Variants in BBX observed in about 807,000 individuals in gnomAD.
The protein encoded by BBX is HMG box transcription factor BBX.
Under a neutral mutation model 100.2 loss-of-function variants are expected in BBX, and 30 were observed. The ratio of observed to expected loss-of-function variants is 0.30; its 90% CI spans 0.22 to 0.41. The LOEUF is 0.41. BBX is among the 10% of genes least tolerant of loss of function. The pLI, the probability that BBX is intolerant of heterozygous loss-of-function variation, is 1.00. For synonymous variants in BBX, 376 were observed against 388.1 expected (o/e 0.97, Z 0.37); for missense variants, 1,023 against 1,129.8 (o/e 0.91, Z 1.35).
intron 13 of BBX, among the ~76,000 whole-genome samples, chr3:107,787,967 G>T (rs1430616571): frequency 6.6e-6 from 1 of 152,156 alleles, no homozygotes; most frequent in East Asian, 1.9e-4. Flanking sequence ...GGAGTGGCAG[G>T]ATATGAGGTT....
At chr3:107,660,131 C>G (rs559685089) in intron 3 of BBX, among the ~76,000 whole-genome samples, 1 of 152,086 alleles carries the variant, frequency 6.6e-6, no homozygotes, top group South Asian at 2.1e-4. Context: ...AATTGTTCAT[C>G]TGTGTGTGAT....
chr3:107,650,377 C>G (rs969503177), intron 3 of BBX, among the ~76,000 whole-genome samples: 1 of 152,004 alleles, frequency 6.6e-6, no homozygotes, highest in Non-Finnish European at 1.5e-5. Flanking sequence ...CAGTTTCATG[C>G]CCAAACCATC....
chr3:107,528,154 G>T (rs1386400693), intron 2 of BBX, among the ~76,000 whole-genome samples: 1 of 152,142 alleles, frequency 6.6e-6, no homozygotes, highest in East Asian at 1.9e-4. Context: ...TCTAAAAAAA[G>T]TCATTTTGAC....
intron 5 of BBX, among the ~76,000 whole-genome samples, chr3:107,720,528 T>C (rs1321051802): frequency 6.6e-6 from 1 of 152,004 alleles, no homozygotes; most frequent in African/African-American, 2.4e-5. Context: ...ACCTGGAGCC[T>C]AGGTTATACA....
intron 2 of BBX, among the ~76,000 whole-genome samples, chr3:107,637,990 G>A (rs2056951797): frequency 6.6e-6 from 1 of 151,750 alleles, no homozygotes; most frequent in African/African-American, 2.4e-5. Context: ...CATGGCTCCC[G>A]GCAGCCTTGA....
chr3:107,625,216 TG>T (rs2056079806), intron 2 of BBX, among the ~76,000 whole-genome samples: 1 of 152,246 alleles, frequency 6.6e-6, no homozygotes, highest in African/African-American at 2.4e-5. Flanking sequence ...TGATTCATTT[TG>T]ATTGTTTTAT....
At chr3:107,611,183 A>G (rs1216398597) in intron 2 of BBX, among the ~76,000 whole-genome samples, 1 of 152,086 alleles carries the variant, frequency 6.6e-6, no homozygotes, top group African/African-American at 2.4e-5. Flanking sequence ...TTGTATTTAT[A>G]TCTTATTGTA....
chr3:107,778,661 T>A (rs1474028371), intron 13 of BBX, 142 bp downstream of exon 13: 1 of 934,490 alleles, frequency 1.1e-6, no homozygotes, highest in Non-Finnish European at 1.6e-6. Flanking sequence ...CTTTCCAAGA[T>A]TATCTTTGTC....
At chr3:107,529,434 T>C (rs561516361) in intron 2 of BBX, among the ~76,000 whole-genome samples, 3 of 152,352 alleles carry the variant, frequency 2.0e-5, no homozygotes, top group Admixed American at 6.5e-5. Flanking sequence ...CATTGTAATC[T>C]TACTGCTTTG....
chr3:107,578,476 T>A (rs2107540556), intron 2 of BBX, among the ~76,000 whole-genome samples: 1 of 152,366 alleles, frequency 6.6e-6, no homozygotes, highest in African/African-American at 2.4e-5. Flanking sequence ...AACCTATTTC[T>A]CATTAGGTTT....
intron 2 of BBX, among the ~76,000 whole-genome samples, chr3:107,543,641 AAC>A (rs1313035177): frequency 3.3e-5 from 5 of 152,248 alleles, no homozygotes; most frequent in African/African-American, 1.2e-4. Context: ...GCAAAACAAT[AAC>A]ACATTGTTAA....
rs1374239737 is a variant in BBX at position 107,532,977 on chromosome 3, A to C, written c.-84+6579A>C. Among the ~76,000 whole-genome samples, 10 of 151,678 alleles carry C rather than the reference A, an allele frequency of 6.6e-5. 1 individual carries two copies. Among genetic ancestry groups the C allele is most frequent in the Non-Finnish European group, 1.3e-4 (9 of 68,002 alleles). On this transcript the variant is annotated intron_variant, in intron 2 of 17. Coordinates refer to ENST00000325805, the MANE Select transcript of BBX (RefSeq NM_001142568.3). ...ATCTAAAAAGCTCTGAAAAACTAAA[A>C]GTTTTTTTTTTCCTTCAGAAGTGTG... is the stretch of plus-strand genomic sequence containing the variant.
chr3:107,716,444 C>A (rs942089095), intron 4 of BBX, 163 bp from the exon 5 acceptor site: 4 of 820,992 alleles, frequency 4.9e-6, no homozygotes, highest in Admixed American at 5.8e-5. Context: ...TAGTTACCAA[C>A]CATGAACAGT....
chr3:107,697,431 C>A (rs573089849), intron 3 of BBX, among the ~76,000 whole-genome samples: 1 of 151,846 alleles, frequency 6.6e-6, no homozygotes, highest in Non-Finnish European at 1.5e-5. Flanking sequence ...GGACCCTCAG[C>A]TGCAGGTCTG....
At chr3:107,589,140 G>A (rs964380568) in intron 2 of BBX, among the ~76,000 whole-genome samples, 5 of 152,076 alleles carry the variant, frequency 3.3e-5, no homozygotes, top group Admixed American at 6.5e-5. Flanking sequence ...ATATTTTAAC[G>A]TGAACTTGAC....
chr3:107,683,466 G>T lies in BBX; in HGVS notation c.-9-26986G>T, dbSNP rs144118237. On this transcript the variant is annotated intron_variant, in intron 3 of 17. Coordinates refer to ENST00000325805, the MANE Select transcript of BBX (RefSeq NM_001142568.3). Reference sequence around the variant, plus strand: ...TTTGCTAGAGAAGGAAAACTTCAGGGTATTATAAGGATTTATTTGTGATCA... The same window carrying T: ...TTTGCTAGAGAAGGAAAACTTCAGGTTATTATAAGGATTTATTTGTGATCA... 7.2e-3 allele frequency among the ~76,000 whole-genome samples: 1,094 copies of T among 152,192 alleles called. 7 individuals are homozygous for T. Among genetic ancestry groups the T allele is most frequent in the South Asian group, 0.014 (69 of 4,822 alleles).
chr3:107,707,500 A>T (rs371098759), intron 3 of BBX, among the ~76,000 whole-genome samples: 2 of 152,226 alleles, frequency 1.3e-5, no homozygotes, highest in East Asian at 3.8e-4. Context: ...TTCTGAGTAT[A>T]GTCTTGGACC....
intron 13 of BBX, among the ~76,000 whole-genome samples, chr3:107,782,001 A>G (rs1378153028): frequency 6.6e-6 from 1 of 152,140 alleles, no homozygotes; most frequent in African/African-American, 2.4e-5. Flanking sequence ...GTGATGATAG[A>G]TCTCCTATTA....
chr3:107,560,260 C>T lies in BBX; in HGVS notation c.-84+33862C>T, dbSNP rs564710533. On this transcript the variant is annotated intron_variant, in intron 2 of 17. Transcript: ENST00000325805. The stretch of plus-strand genomic sequence containing the variant: ...ATGGGTGAAAGCAAACATGTGTCTT[C>T]TCAGTTCCTCCTAGGTGGTATCTTG... Among the ~76,000 whole-genome samples, 12 of 151,732 alleles carry T rather than the reference C, an allele frequency of 7.9e-5. No homozygotes were observed. In the South Asian group the frequency reaches 2.1e-3, roughly 26 times the overall value.
Sources: allele counts gnomAD v4.1 joint callset (sites outside exome capture counted in the v4.1 genomes callset), GRCh38; gene constraint gnomAD v4.1.1; transcripts MANE v1.5; gene names NCBI Gene and HGNC (gene_info 2026-07-23, HGNC 2026-07-21).